The following RBFOX1 variants were observed in gnomAD, a reference collection of about 807,000 sequenced individuals.
The protein encoded by RBFOX1 is RNA binding fox-1 homolog 1.
Under a neutral mutation model 57.7 loss-of-function variants are expected in RBFOX1, and 8 were observed. The observed-to-expected ratio is 0.14, with a 90% CI of 0.08 to 0.25. The LOEUF is 0.25. RBFOX1 is among the 10% of genes least tolerant of loss of function. The pLI is 1.00. For synonymous variants in RBFOX1, 326 were observed against 222.4 expected (o/e 1.47, Z -4.15); for missense variants, 611 against 548.5 (o/e 1.11, Z -1.14).
chr16:7,387,634 T>G (rs1467588056), intron 4 of RBFOX1, among the ~76,000 whole-genome samples: 8 of 152,128 alleles, frequency 5.3e-5, no homozygotes, highest in African/African-American at 1.9e-4. Context: ...AGCCGCTGTG[T>G]GTTTGGAAGA....
intron 4 of RBFOX1, among the ~76,000 whole-genome samples, chr16:7,347,042 C>G (rs538238160): frequency 6.6e-6 from 1 of 152,114 alleles, no homozygotes; most frequent in African/African-American, 2.4e-5. Flanking sequence ...TAAGACAGGC[C>G]TAGTGATCTC....
intron 4 of RBFOX1, among the ~76,000 whole-genome samples, chr16:7,275,900 A>G (rs1410047517): frequency 6.6e-6 from 1 of 152,154 alleles, no homozygotes; most frequent in Non-Finnish European, 1.5e-5. Flanking sequence ...GGTTGCTGTA[A>G]GACTTGGTGT....
chr16:5,758,225 C>G (rs567867587), intron 3 of RBFOX1, among the ~76,000 whole-genome samples: 1 of 152,326 alleles, frequency 6.6e-6, no homozygotes, highest in East Asian at 1.9e-4. Context: ...CCTACATGTT[C>G]TCGATTCTTC....
In RBFOX1 at chr16:5,861,700, C is replaced by G. The variant is rs1160882983; in HGVS notation, c.319-5603C>G. Among the ~76,000 whole-genome samples, 4 of 152,222 alleles carry G rather than the reference C, an allele frequency of 2.6e-5. No homozygotes were observed. The East Asian group carries it at 5.8e-4, about 22-fold the overall frequency. On this transcript the variant is annotated intron_variant, in intron 3 of 19. Coordinates refer to the RBFOX1 transcript ENST00000641259. ...TGCCAGCATTTGGACATCTTTCATA[C>G]ACAGGGCATTTGTTGCTATTGGAAT...
In RBFOX1 at chr16:7,184,289, G is replaced by GA. The variant is rs113251434; in HGVS notation, c.27+132193dup. Among the ~76,000 whole-genome samples the GA allele has an allele frequency of 1.7e-3, 257 of 152,314 alleles. 1 individual carries two copies. The highest frequency in any genetic ancestry group is 5.9e-3 in the African/African-American group (247 of 41,558). On this transcript the variant is annotated intron_variant, in intron 4 of 15. Coordinates refer to ENST00000550418, the MANE Select transcript of RBFOX1 (RefSeq NM_018723.4). ...AGTTTTAGGACAATAGGAAGCTGTG[G>GA]AATGACCTTAGAGGGAAGACATCAT...
intron 3 of RBFOX1, among the ~76,000 whole-genome samples, chr16:6,989,256 T>G (rs1434402571): frequency 2.0e-5 from 3 of 152,212 alleles, no homozygotes; most frequent in Non-Finnish European, 4.4e-5. Context: ...TTGCTTGCAT[T>G]ATTTTTCTCT....
At chr16:5,289,774 C>T (rs182125654) in intron 1 of RBFOX1, among the ~76,000 whole-genome samples, 6 of 152,334 alleles carry the variant, frequency 3.9e-5, no homozygotes, top group Non-Finnish European at 7.3e-5. Flanking sequence ...AGAGAGGGAG[C>T]TCAGTCTCTC....
At chr16:6,739,251 G>C (rs1352317309) in intron 3 of RBFOX1, among the ~76,000 whole-genome samples, 3 of 148,912 alleles carry the variant, frequency 2.0e-5, no homozygotes, top group Non-Finnish European at 3.0e-5. Flanking sequence ...AAAAAAAAAA[G>C]AAGGGAATAA....
At chr16:5,891,204 C>CTCTT (rs2058037695) in intron 4 of RBFOX1, among the ~76,000 whole-genome samples, 1 of 151,918 alleles carries the variant, frequency 6.6e-6, no homozygotes, top group Non-Finnish European at 1.5e-5. Context: ...CCCCTCCTCT[C>CTCTT]TCTCGTGCAT....
chr16:7,227,278 A>ACCCCCC (rs2093187949), intron 4 of RBFOX1, among the ~76,000 whole-genome samples: 1 of 94,658 alleles, frequency 1.1e-5, no homozygotes, highest in Non-Finnish European at 2.8e-5. Flanking sequence ...CATACCACAC[A>ACCCCCC]CACCCCACCC....
At chr16:6,228,462 A>G (rs1314408712) in intron 1 of RBFOX1, among the ~76,000 whole-genome samples, 1 of 152,106 alleles carries the variant, frequency 6.6e-6, no homozygotes, top group Non-Finnish European at 1.5e-5. Context: ...TATACATGCC[A>G]TGAAATACAA....
intron 5 of RBFOX1, among the ~76,000 whole-genome samples, chr16:7,540,397 C>G (rs375024811): frequency 6.6e-6 from 1 of 152,204 alleles, no homozygotes; most frequent in Non-Finnish European, 1.5e-5. Context: ...TCCAGGCTCC[C>G]TCAGGTGTTA....
At chr16:6,511,429 C>G (rs1483770541) in intron 2 of RBFOX1, among the ~76,000 whole-genome samples, 1 of 152,180 alleles carries the variant, frequency 6.6e-6, no homozygotes. Context: ...GGGAATTTTC[C>G]TGCTCTGTTC....
intron 1 of RBFOX1, among the ~76,000 whole-genome samples, chr16:6,064,978 A>C (rs983523708): frequency 4.0e-5 from 6 of 150,986 alleles, no homozygotes; most frequent in Middle Eastern, 3.5e-3. Flanking sequence ...TAAAAAAAAA[A>C]CCTCCCTACG....
In RBFOX1 at chr16:6,881,673, T is replaced by A. The variant is rs528316976; in HGVS notation, c.-15-170384T>A. Among the ~76,000 whole-genome samples, 4 of 152,306 alleles carry A rather than the reference T, an allele frequency of 2.6e-5. 1 individual carries two copies. The highest frequency in any genetic ancestry group is 9.6e-5 in the African/African-American group (4 of 41,564). On this transcript the variant is annotated intron_variant, in intron 3 of 15. Coordinates refer to ENST00000550418, the MANE Select transcript of RBFOX1 (RefSeq NM_018723.4). ...TCAAATAAAGTCACATTCTTAGATGTTGGCAGTTAAGACTTCAACGTCTTA... is the reference window on the plus strand; with the variant it reads ...TCAAATAAAGTCACATTCTTAGATGATGGCAGTTAAGACTTCAACGTCTTA...
intron 3 of RBFOX1, among the ~76,000 whole-genome samples, chr16:5,832,987 T>C (rs1363759062): frequency 2.0e-5 from 3 of 152,166 alleles, no homozygotes; most frequent in Non-Finnish European, 4.4e-5. Context: ...ACAGGTGTTT[T>C]TGAGAATCAG....
At position 6,805,089 on chromosome 16, in the gene RBFOX1, C is replaced by A. The variant is rs140545577; in HGVS notation, c.-16+150439C>A. On this transcript the variant is annotated intron_variant, in intron 3 of 15. Coordinates refer to ENST00000550418, the MANE Select transcript of RBFOX1 (RefSeq NM_018723.4). ...TTATTCTACCATAAAGACCCATGCA[C>A]GTGAATGTTCACTGCAGCATTACTC... Among the ~76,000 whole-genome samples the A allele has an allele frequency of 2.6e-5, 4 of 152,196 alleles. No homozygotes were observed. In the East Asian group the frequency reaches 7.7e-4, roughly 29 times the overall value.
chr16:5,588,926 G>C (rs2046919991), intron 2 of RBFOX1, among the ~76,000 whole-genome samples: 1 of 152,186 alleles, frequency 6.6e-6, no homozygotes, highest in African/African-American at 2.4e-5. Context: ...TGAGAATACA[G>C]GGCTGGCTTT....
At chr16:6,000,155 C>G (rs918205029) in intron 4 of RBFOX1, among the ~76,000 whole-genome samples, 2 of 152,120 alleles carry the variant, frequency 1.3e-5, no homozygotes, top group Non-Finnish European at 2.9e-5. Flanking sequence ...AGAATTAACT[C>G]ATCTACATTT....
Sources: gnomAD v4.1 joint callset for allele counts (sites outside exome capture counted in the v4.1 genomes callset) on GRCh38, gnomAD v4.1.1 for gene constraint, MANE v1.5 for transcripts, NCBI Gene and HGNC (gene_info 2026-07-23, HGNC 2026-07-21) for gene names.